Variants in RAP1GAP2 observed in about 807,000 individuals in gnomAD.
The protein encoded by RAP1GAP2 is RAP1 GTPase activating protein 2, also known as rap1 GTPase-activating protein 2.
Under a neutral mutation model 95.0 loss-of-function variants are expected in RAP1GAP2, and 27 were observed. The observed-to-expected ratio is 0.28, with a 90% CI of 0.21 to 0.39. RAP1GAP2 has a LOEUF of 0.39. Ranked by LOEUF, RAP1GAP2 falls within the 10% of genes least tolerant of loss-of-function variation. RAP1GAP2 has a pLI of 1.00. For missense variants in RAP1GAP2, 771 were observed against 970.0 expected, an observed-to-expected ratio of 0.79 and a Z score of 2.72; for synonymous variants, 373 against 380.9, an observed-to-expected ratio of 0.98 and a Z score of 0.24.
chr17:2,842,811 C>T (rs1284345050), intron 2 of RAP1GAP2, among the ~76,000 whole-genome samples: 1 of 152,114 alleles, frequency 6.6e-6, no homozygotes, highest in Non-Finnish European at 1.5e-5. Flanking sequence ...CCACCCTCTC[C>T]TCCCCTCCAG....
intron 4 of RAP1GAP2, among the ~76,000 whole-genome samples, chr17:2,961,620 C>A (rs1256018615): frequency 6.6e-6 from 1 of 152,248 alleles, no homozygotes; most frequent in Non-Finnish European, 1.5e-5. Context: ...CAGTCCCAGG[C>A]ATCATATCTG....
chr17:2,850,331 T>C (rs563616041), intron 2 of RAP1GAP2, among the ~76,000 whole-genome samples: 1 of 152,108 alleles, frequency 6.6e-6, no homozygotes, highest in South Asian at 2.1e-4. Flanking sequence ...TACTTCAAGC[T>C]TAGAGCCTTT....
intron 1 of RAP1GAP2, among the ~76,000 whole-genome samples, chr17:2,781,465 C>T (rs141686447): frequency 6.6e-6 from 1 of 152,346 alleles, no homozygotes; most frequent in African/African-American, 2.4e-5. Context: ...TGTGTCTGGA[C>T]ATCTCTGGGT....
At chr17:2,787,431 A>T (rs928213992) in intron 1 of RAP1GAP2, among the ~76,000 whole-genome samples, 5 of 151,336 alleles carry the variant, frequency 3.3e-5, no homozygotes, top group Admixed American at 6.6e-5. Context: ...ATTTAAAAAA[A>T]TTTTTGTACA....
At position 2,820,903 on chromosome 17, in the gene RAP1GAP2, T is replaced by TTTTTTGTTTTTTG. The variant is rs1567678179; in HGVS notation, c.80+20358_80+20359insGTTTTTTGTTTTT. ...CGGCCCGGATAATGGTTTTTTTTTT[T>TTTTTTGTTTTTTG]TTTTTTGTATTTTTAGTAGAGATAG... On this transcript the variant is annotated intron_variant, in intron 2 of 24. Transcript: ENST00000254695. Among the ~76,000 whole-genome samples the TTTTTTGTTTTTTG allele has an allele frequency of 2.7e-3, 388 of 145,970 alleles. 3 individuals are homozygous for TTTTTTGTTTTTTG. Among genetic ancestry groups the TTTTTTGTTTTTTG allele is most frequent in the African/African-American group, 9.4e-3 (367 of 38,856 alleles).
chr17:2,811,522 C>T (rs531608746), intron 2 of RAP1GAP2, among the ~76,000 whole-genome samples: 4 of 152,184 alleles, frequency 2.6e-5, no homozygotes, highest in African/African-American at 9.6e-5. Flanking sequence ...CCTGTCTTAG[C>T]GGATCTTCCA....
At chr17:2,761,329 C>A (rs1208701502) in intron 1 of RAP1GAP2, among the ~76,000 whole-genome samples, 2 of 123,240 alleles carry the variant, frequency 1.6e-5, no homozygotes, top group African/African-American at 6.2e-5. Context: ...ACTCTTGTTG[C>A]CCAGGCTGGA....
chr17:3,027,633 T>C lies in RAP1GAP2; in HGVS notation c.2107+563T>C, dbSNP rs1357637882. 1.3e-5 allele frequency among the ~76,000 whole-genome samples: 2 copies of C among 151,498 alleles called. No individual in the cohort carries two copies. Among genetic ancestry groups the C allele is most frequent in the Non-Finnish European group, 2.9e-5 (2 of 67,876 alleles). The stretch of plus-strand genomic sequence containing the variant: ...GGCTGGGTCAGCCCCGGGCCCCGGG[T>C]GAGGATTTTGTTCTGCTAGCGGCCA... On this transcript the variant is annotated intron_variant, in intron 22 of 24. Transcript: ENST00000254695. This position sits in a 1 kb window ranked among gnomAD's most constrained non-coding sequence, Gnocchi z 5.2.
chr17:2,952,038 A>T (rs564756361), intron 3 of RAP1GAP2, among the ~76,000 whole-genome samples: 315 of 4,598 alleles, frequency 0.069, 2 homozygotes, highest in Admixed American at 0.13. Context: ...TGTCTCAGAA[A>T]AAATAAAATA....
intron 2 of RAP1GAP2, among the ~76,000 whole-genome samples, chr17:2,844,484 G>A (rs1277777952): frequency 3.3e-5 from 5 of 152,206 alleles, no homozygotes; most frequent in Admixed American, 2.0e-4. Context: ...CTTATGGAAA[G>A]GGGGTGGAAA....
chr17:3,026,514 G>C, intron 21 of RAP1GAP2, 50 bp downstream of exon 21: 1 of 1,383,980 alleles, frequency 7.2e-7, no homozygotes. Flanking sequence ...GCGTCAGCCA[G>C]CCACCCTCCT....
At chr17:2,838,599 T>C in intron 2 of RAP1GAP2, among the ~76,000 whole-genome samples, 1 of 152,126 alleles carries the variant, frequency 6.6e-6, no homozygotes, top group East Asian at 1.9e-4. Context: ...ACTGTCCCAC[T>C]GCGGGAACCC....
intron 2 of RAP1GAP2, among the ~76,000 whole-genome samples, chr17:2,891,158 T>A (rs1293414142): frequency 5.9e-5 from 9 of 151,580 alleles, no homozygotes; most frequent in Middle Eastern, 3.2e-3. Flanking sequence ...CTTTTTTTTT[T>A]AATTTTTGAG....
In RAP1GAP2 at chr17:3,026,451, A is replaced by G; in HGVS notation, c.1967A>G (p.Glu656Gly). ...GCAGGGGAGGGCGAGGCCATGGAGG[A>G]GGGCGACAGTGGGGTAGGTGTGCCC... ...STAGEGEAME[E>G]GDSGGSQPST... Residue 656 changes from glutamate (E) to glycine (G), a missense_variant, in exon 21 of 25, where the codon GAG (glutamate) becomes GGG (glycine). Transcript: ENST00000254695. 6.4e-7 allele frequency: 1 copy of G among 1,550,712 alleles called. No homozygotes were observed. The highest frequency in any genetic ancestry group is 8.7e-7 in the Non-Finnish European group (1 of 1,146,708).
intron 3 of RAP1GAP2, among the ~76,000 whole-genome samples, chr17:2,923,808 A>G (rs1230361310): frequency 1.3e-5 from 2 of 152,222 alleles, no homozygotes; most frequent in African/African-American, 4.8e-5. Flanking sequence ...TAATCCTACC[A>G]TCCAGAAATA....
intron 2 of RAP1GAP2, among the ~76,000 whole-genome samples, chr17:2,874,593 G>C (rs999040801): frequency 6.6e-6 from 1 of 152,128 alleles, no homozygotes; most frequent in Admixed American, 6.6e-5. Flanking sequence ...GAGGGAGAAA[G>C]GACCCGATCA....
intron 2 of RAP1GAP2, among the ~76,000 whole-genome samples, chr17:2,845,942 C>T (rs1015028299): frequency 6.6e-6 from 1 of 151,724 alleles, no homozygotes; most frequent in East Asian, 1.9e-4. Flanking sequence ...CCAGCACTTT[C>T]GGAGGCCAAG....
chr17:2,839,460 A>C (rs535081851), intron 2 of RAP1GAP2, among the ~76,000 whole-genome samples: 1 of 152,210 alleles, frequency 6.6e-6, no homozygotes, highest in Non-Finnish European at 1.5e-5. Context: ...TCCATTTGCT[A>C]TAATTAACAT....
At chr17:2,970,282 A>AAT (rs1252366093) in intron 8 of RAP1GAP2, among the ~76,000 whole-genome samples, 1 of 145,874 alleles carries the variant, frequency 6.9e-6, no homozygotes, top group East Asian at 2.0e-4. Flanking sequence ...TCAAAAAAAA[A>AAT]AAAAAAAAAA....
Sources: allele counts gnomAD v4.1 joint callset (sites outside exome capture counted in the v4.1 genomes callset), GRCh38; gene constraint gnomAD v4.1.1; non-coding constraint Gnocchi (gnomAD v3.1); transcripts MANE v1.5; gene names NCBI Gene and HGNC (gene_info 2026-07-23, HGNC 2026-07-21).